PDCL: variants seen among roughly 807,000 people sequenced by gnomAD.
PDCL encodes the protein phosducin like, also known as phosducin-like protein.
In PDCL, 11 loss-of-function variants were observed where a neutral mutation model predicts 26.7. The ratio of observed to expected loss-of-function variants is 0.41; its 90% CI spans 0.26 to 0.68. PDCL has a LOEUF of 0.68. PDCL is among the 30% of genes least tolerant of loss of function. The pLI, the probability that PDCL is intolerant of heterozygous loss-of-function variation, is 0.30. For synonymous variants in PDCL, 118 were observed against 134.9 expected (o/e 0.87, Z 0.87); for missense variants, 330 against 371.6 (o/e 0.89, Z 0.92).
At chr9:122,825,345 A>G (rs987639560) in intron 2 of PDCL, among the ~76,000 whole-genome samples, 1 of 152,024 alleles carries the variant, frequency 6.6e-6, no homozygotes, top group African/African-American at 2.4e-5. Context: ...GTATTTTAGT[A>G]GAGACGGGAT....
In PDCL at chr9:122,823,122, T is replaced by G; in HGVS notation, c.248A>C (p.Glu83Ala). The G allele has an allele frequency of 6.2e-7, 1 of 1,614,150 alleles. No homozygotes were observed. Among genetic ancestry groups the G allele is most frequent in the South Asian group, 1.1e-5 (1 of 91,086 alleles). The change falls in exon 3 of 4, where the codon GAG (glutamate) becomes GCG (alanine). Residue 83 changes from glutamate (E) to alanine (A), a missense_variant. Coordinates refer to ENST00000259467, the MANE Select transcript of PDCL (RefSeq NM_005388.5). ...ETEQREEQCR[E>A]MERLIKKLSM... Reference sequence around the variant, plus strand: ...CAGCTTCTTGATCAGCCTTTCCATCTCCCGGCACTGCTCCTCCCTCTGCTC... The same window carrying G: ...CAGCTTCTTGATCAGCCTTTCCATCGCCCGGCACTGCTCCTCCCTCTGCTC...
chr9:122,828,291 G>A (rs1242521718), intron 1 of PDCL, among the ~76,000 whole-genome samples, 180 bp downstream of exon 1: 1 of 152,094 alleles, frequency 6.6e-6, no homozygotes, highest in African/African-American at 2.4e-5. Flanking sequence ...AGCTTTTGGG[G>A]GAAGGCTGGA....
At chr9:122,821,709 TG>T (rs1303983290) in intron 3 of PDCL, among the ~76,000 whole-genome samples, 1 of 152,172 alleles carries the variant, frequency 6.6e-6, no homozygotes, top group Admixed American at 6.5e-5. Flanking sequence ...GACTGATCCA[TG>T]TGATGATATG....
chr9:122,820,228 G>A lies in PDCL; in HGVS notation c.763C>T (p.Leu255=), dbSNP rs1829535022. Residue 255 remains leucine, a synonymous_variant, in exon 4 of 4, where the codon CTG becomes TTG. Transcript: ENST00000259467. The part of the protein sequence containing the change: ...IGNFVRVTDQ[L]GDDFFAVDLE... ...TCCACAGCAAAGAAATCATCCCCCA[G>A]CTGGTCAGTAACACGAACAAAATTG... 1 of 1,614,026 alleles carries A rather than the reference G, an allele frequency of 6.2e-7. No individual in the cohort carries two copies. The highest frequency in any genetic ancestry group is 1.3e-5 in the African/African-American group (1 of 74,898).
intron 2 of PDCL, among the ~76,000 whole-genome samples, chr9:122,824,612 G>A (rs1829599730): frequency 1.3e-5 from 2 of 152,186 alleles, no homozygotes. Context: ...AAATCTATAT[G>A]AAGACAACTT....
Position 122,818,440 on chromosome 9 carries a change from CAGTA to C in PDCL, c.*1641_*1644del, listed in dbSNP as rs759659795. On this transcript the variant is annotated 3_prime_UTR_variant, in exon 4 of 4. Coordinates refer to ENST00000259467, the MANE Select transcript of PDCL (RefSeq NM_005388.5). Reference sequence around the variant, plus strand: ...ATAAGGAAGAGCACAGAACTAAATTCAGTAAGTACTCAATGTTTATAAAAATATT... The same window carrying C: ...ATAAGGAAGAGCACAGAACTAAATTCAGTACTCAATGTTTATAAAAATATT... The C allele has an allele frequency of 1.1e-4, 16 of 151,952 alleles. No individual in the cohort carries two copies. Among genetic ancestry groups the C allele is most frequent in the Admixed American group, 7.2e-4 (11 of 15,240 alleles). The allele number at this position is 151,952 out of a possible 1,614,324, so 9.4% of individuals were successfully genotyped here. A position where few individuals can be genotyped will look rare whatever the true frequency, so the allele number is the denominator to read the frequency against.
Position 122,822,997 on chromosome 9 carries a change from C to A in PDCL, c.354+19G>T. On this transcript the variant is annotated intron_variant, in intron 3 of 3. Coordinates refer to ENST00000259467, the MANE Select transcript of PDCL (RefSeq NM_005388.5). Reference sequence around the variant, plus strand: ...CAGCCACAGCAGACTCTAAGAAAAGCCTGAGTACTGCTAATTACCTTCCCA... The same window carrying A: ...CAGCCACAGCAGACTCTAAGAAAAGACTGAGTACTGCTAATTACCTTCCCA... The A allele has an allele frequency of 9.9e-6, 16 of 1,609,550 alleles. No individual in the cohort carries two copies. Among genetic ancestry groups the A allele is most frequent in the Non-Finnish European group, 1.4e-5 (16 of 1,175,886 alleles).
At chr9:122,823,663 G>A (rs569716630) in intron 2 of PDCL, among the ~76,000 whole-genome samples, 15 of 152,144 alleles carry the variant, frequency 9.9e-5, no homozygotes, top group Non-Finnish European at 1.8e-4. Flanking sequence ...ATAAGAGCTT[G>A]CAGGATATGT....
Position 122,826,718 on chromosome 9 carries a change from C to G in PDCL, c.70G>C (p.Asp24His). ...CGGTCCTTGTCCTCGTGGTCACTGTCCTCATCCTCACTGCTGCTATAGTAG... is the reference window on the plus strand; with the variant it reads ...CGGTCCTTGTCCTCGTGGTCACTGTGCTCATCCTCACTGCTGCTATAGTAG... ...QYYYSSSEDE[D>H]SDHEDKDRGR... The change falls in exon 2 of 4, where the codon GAC becomes CAC. Residue 24 changes from aspartate (D) to histidine (H), a missense_variant. Coordinates refer to ENST00000259467, the MANE Select transcript of PDCL (RefSeq NM_005388.5). 2 of 1,614,172 alleles carry G rather than the reference C, an allele frequency of 1.2e-6. No individual in the cohort carries two copies. Among genetic ancestry groups the G allele is most frequent in the Non-Finnish European group, 1.7e-6 (2 of 1,180,026 alleles).
Position 122,819,846 on chromosome 9 carries a change from C to G in PDCL, c.*239G>C, listed in dbSNP as rs999137287. The G allele has an allele frequency of 8.0e-6, 3 of 377,300 alleles. No individual in the cohort carries two copies. Among genetic ancestry groups the G allele is most frequent in the Non-Finnish European group, 9.4e-6 (2 of 212,264 alleles). The allele number at this position is 377,300 out of a possible 1,614,324, so 23.4% of individuals were successfully genotyped here. A position where few individuals can be genotyped will look rare whatever the true frequency, so the allele number is the denominator to read the frequency against. The stretch of plus-strand genomic sequence containing the variant: ...AAACAATAACAGAGATGTCACACCA[C>G]AGAATCTTAAGTAAACAGTTCAAAA... On this transcript the variant is annotated 3_prime_UTR_variant, in exon 4 of 4. Coordinates refer to ENST00000259467, the MANE Select transcript of PDCL (RefSeq NM_005388.5).
At chr9:122,822,176 A>G (rs1434226768) in intron 3 of PDCL, among the ~76,000 whole-genome samples, 1 of 152,174 alleles carries the variant, frequency 6.6e-6, no homozygotes, top group African/African-American at 2.4e-5. Flanking sequence ...CCATAACTAA[A>G]TGATCTCAGG....
intron 3 of PDCL, among the ~76,000 whole-genome samples, chr9:122,822,027 A>G (rs1035114253): frequency 2.6e-5 from 4 of 152,086 alleles, no homozygotes; most frequent in African/African-American, 9.7e-5. Flanking sequence ...AACTCAGTCT[A>G]CCAGAGTGGC....
intron 1 of PDCL, among the ~76,000 whole-genome samples, 153 bp downstream of exon 1, chr9:122,828,318 G>A (rs1217999341): frequency 6.6e-6 from 1 of 152,112 alleles, no homozygotes; most frequent in Non-Finnish European, 1.5e-5. Flanking sequence ...CGGGGGAGGT[G>A]GGGCCAGAGG....
intron 3 of PDCL, among the ~76,000 whole-genome samples, chr9:122,821,723 G>A (rs930878381): frequency 3.3e-5 from 5 of 152,068 alleles, no homozygotes; most frequent in South Asian, 2.1e-4. Context: ...ATGATATGAT[G>A]TTGCCTCATT....
rs1055731865 is a variant in PDCL at position 122,818,589 on chromosome 9, ACT to A, written c.*1494_*1495del. On this transcript the variant is annotated 3_prime_UTR_variant, in exon 4 of 4. Coordinates refer to ENST00000259467, the MANE Select transcript of PDCL (RefSeq NM_005388.5). ...TCTTAGTCAAAAAAAAAAAAAATGCACTCTGTTTGTTGACTAAATACTTTCAA... is the reference window on the plus strand; with the variant it reads ...TCTTAGTCAAAAAAAAAAAAAATGCACTGTTTGTTGACTAAATACTTTCAA... The A allele has an allele frequency of 1.3e-5, 2 of 151,500 alleles. No individual in the cohort carries two copies. The highest frequency in any genetic ancestry group is 3.9e-4 in the East Asian group (2 of 5,178). The allele number at this position is 151,500 out of a possible 1,614,324, so 9.4% of individuals were successfully genotyped here. A position where few individuals can be genotyped will look rare whatever the true frequency, so the allele number is the denominator to read the frequency against.
intron 2 of PDCL, among the ~76,000 whole-genome samples, chr9:122,824,151 C>T (rs1049758108): frequency 6.6e-6 from 1 of 152,174 alleles, no homozygotes; most frequent in African/African-American, 2.4e-5. Flanking sequence ...CTTAACCCGT[C>T]AAGCCCTGTG....
rs975933140 is a variant in PDCL at position 122,823,041 on chromosome 9, T to G, written c.329A>C (p.Asp110Ala). 6.2e-7 allele frequency: 1 copy of G among 1,613,992 alleles called. No homozygotes were observed. The highest frequency in any genetic ancestry group is 1.1e-5 in the South Asian group (1 of 91,070). ...DEEEEQQKQKDLQEKISGKMT... is the reference protein window; with the variant it reads ...DEEEEQQKQKALQEKISGKMT... ...CTTCCCACTGATCTTCTCCTGGAGG[T>G]CTTTCTGTTTCTGTTGCTCCTCCTC... is the stretch of plus-strand genomic sequence containing the variant. The change falls in exon 3 of 4, where the codon GAC becomes GCC. Residue 110 changes from aspartate (D) to alanine (A), a missense_variant. Asp to Ala is a moderately radical substitution (Grantham distance 126). Coordinates refer to ENST00000259467, the MANE Select transcript of PDCL (RefSeq NM_005388.5).
At chr9:122,827,690 C>G (rs1204404342) in intron 1 of PDCL, among the ~76,000 whole-genome samples, 1 of 152,100 alleles carries the variant, frequency 6.6e-6, no homozygotes, top group East Asian at 1.9e-4. Context: ...CAAGATCACG[C>G]CACTGCACTC....
rs915568496 is a variant in PDCL at position 122,819,156 on chromosome 9, C to T, written c.*929G>A. The T allele has an allele frequency of 2.0e-5, 3 of 151,600 alleles. No individual in the cohort carries two copies. The highest frequency in any genetic ancestry group is 7.3e-5 in the African/African-American group (3 of 41,232). The allele number at this position is 151,600 out of a possible 1,614,324, so 9.4% of individuals were successfully genotyped here. On this transcript the variant is annotated 3_prime_UTR_variant, in exon 4 of 4. Coordinates refer to ENST00000259467, the MANE Select transcript of PDCL (RefSeq NM_005388.5). ...ACACAGAAAACACCTTGGCAGGAAACAGACCAAAATATTAATAGTGTTTTA... is the reference window on the plus strand; with the variant it reads ...ACACAGAAAACACCTTGGCAGGAAATAGACCAAAATATTAATAGTGTTTTA...
Sources: allele counts gnomAD v4.1 joint callset (sites outside exome capture counted in the v4.1 genomes callset), GRCh38; gene constraint gnomAD v4.1.1; transcripts MANE v1.5; gene names NCBI Gene and HGNC (gene_info 2026-07-23, HGNC 2026-07-21).